Variants in SLC22A23 observed in about 807,000 individuals in gnomAD.
The protein encoded by SLC22A23 is ion transporter protein.
SLC22A23 carries 26 observed loss-of-function variants against 61.0 expected under a neutral mutation model. The observed-to-expected ratio is 0.43, with a 90% CI of 0.31 to 0.59. The LOEUF is 0.59. Ranked by LOEUF, SLC22A23 falls within the 20% of genes least tolerant of loss-of-function variation. SLC22A23 has a pLI of 0.11. For synonymous variants in SLC22A23, 430 were observed against 413.9 expected (o/e 1.04, Z -0.47); for missense variants, 796 against 934.7 (o/e 0.85, Z 1.94).
chr6:3,352,298 G>C (rs1257308581), intron 3 of SLC22A23, among the ~76,000 whole-genome samples: 1 of 150,534 alleles, frequency 6.6e-6, no homozygotes. Context: ...CACAGCCATA[G>C]ACACTTACAA....
intron 3 of SLC22A23, among the ~76,000 whole-genome samples, chr6:3,366,540 C>A (rs143517309): frequency 2.0e-5 from 3 of 152,094 alleles, no homozygotes; most frequent in African/African-American, 7.2e-5. Context: ...CCTGACTCAA[C>A]AAATCACTTC....
Position 3,299,998 on chromosome 6 carries a change from C to CTTTTTTTTTTTTTTT in SLC22A23, c.1083-1795_1083-1781dup, listed in dbSNP as rs869114176. Reference sequence around the variant, plus strand: ...ACCTGCTTTGCAAGCTCAGGATAGACTTTTTTTTTTTTTTTTTTTTTTTTT... The same window carrying CTTTTTTTTTTTTTTT: ...ACCTGCTTTGCAAGCTCAGGATAGACTTTTTTTTTTTTTTTTTTTTTTTTTTTTTTTTTTTTTTTT... On this transcript the variant is annotated intron_variant, in intron 4 of 9. Transcript: ENST00000406686. Among the ~76,000 whole-genome samples, 19 of 78,798 alleles carry CTTTTTTTTTTTTTTT rather than the reference C, an allele frequency of 2.4e-4. 5 individuals carry two copies. In the East Asian group the frequency reaches 4.0e-3, roughly 16 times the overall value. The allele number at this position is 78,798 out of a possible 152,430, so 51.7% of individuals were successfully genotyped here.
chr6:3,288,987 C>T (rs1001524445), intron 6 of SLC22A23, among the ~76,000 whole-genome samples: 1 of 152,264 alleles, frequency 6.6e-6, no homozygotes, highest in Non-Finnish European at 1.5e-5. Flanking sequence ...TCGCCCTCAC[C>T]CTGGGCCTGT....
At position 3,437,416 on chromosome 6, in the gene SLC22A23, G is replaced by A. The variant is rs570406623; in HGVS notation, c.654+18490C>T. On this transcript the variant is annotated intron_variant, in intron 1 of 9. Coordinates refer to ENST00000406686, the MANE Select transcript of SLC22A23 (RefSeq NM_015482.2). ...TAATAGGCCAGGCGCGGTGGCTCACGCCTGTAATCCCAGCACTTTGGGAGG... is the reference window on the plus strand; with the variant it reads ...TAATAGGCCAGGCGCGGTGGCTCACACCTGTAATCCCAGCACTTTGGGAGG... Among the ~76,000 whole-genome samples, 52 of 152,098 alleles carry A rather than the reference G, an allele frequency of 3.4e-4. No homozygotes were observed. In the East Asian group the frequency reaches 7.6e-3, roughly 22 times the overall value.
chr6:3,433,477 A>G (rs944695901), intron 1 of SLC22A23, among the ~76,000 whole-genome samples: 1 of 135,054 alleles, frequency 7.4e-6, no homozygotes, highest in Non-Finnish European at 1.7e-5. Context: ...TGAAAAGAAA[A>G]AGAGGAAACT....
intron 1 of SLC22A23, among the ~76,000 whole-genome samples, chr6:3,440,323 T>C (rs1326528117): frequency 6.6e-6 from 1 of 152,110 alleles, no homozygotes; most frequent in African/African-American, 2.4e-5. Flanking sequence ...TGTGACTGTG[T>C]TTCAAGAGTG....
chr6:3,338,517 G>A (rs1266372855), intron 3 of SLC22A23, among the ~76,000 whole-genome samples: 1 of 152,208 alleles, frequency 6.6e-6, no homozygotes. Context: ...AGGAGACAGG[G>A]TTTCACCATG....
intron 6 of SLC22A23, 31 bp downstream of exon 6, chr6:3,289,733 A>C: frequency 3.2e-5 from 49 of 1,548,290 alleles, no homozygotes; most frequent in Non-Finnish European, 4.1e-5. Flanking sequence ...GCCCCCTCCC[A>C]CCCAGCTGGC....
intron 3 of SLC22A23, among the ~76,000 whole-genome samples, chr6:3,370,739 T>C (rs1315166321): frequency 6.6e-6 from 1 of 152,266 alleles, no homozygotes; most frequent in Non-Finnish European, 1.5e-5. Context: ...AATTGTGGTT[T>C]GGCTTCAATA....
At chr6:3,400,594 T>G (rs1002277599) in intron 3 of SLC22A23, among the ~76,000 whole-genome samples, 9 of 152,228 alleles carry the variant, frequency 5.9e-5, no homozygotes, top group African/African-American at 2.2e-4. Flanking sequence ...CTTTCCTAGG[T>G]GAGGAAACTG....
In SLC22A23 at chr6:3,297,463, C is replaced by T. The variant is rs546958581; in HGVS notation, c.1210+628G>A. 2.6e-5 allele frequency among the ~76,000 whole-genome samples: 4 copies of T among 152,288 alleles called. No individual in the cohort carries two copies. Among genetic ancestry groups the T allele is most frequent in the African/African-American group, 2.4e-5 (1 of 41,546 alleles). On this transcript the variant is annotated intron_variant, in intron 5 of 9. Coordinates refer to ENST00000406686, the MANE Select transcript of SLC22A23 (RefSeq NM_015482.2). The surrounding 1 kb of genome is among the most constrained non-coding windows in gnomAD (Gnocchi z 4.3). ...AGAAATGCAAGTTCTCAGGGCTTAT[C>T]CCAAATCTAACAGGTCAGGATCTCC... is the stretch of plus-strand genomic sequence containing the variant.
intron 5 of SLC22A23, among the ~76,000 whole-genome samples, chr6:3,296,897 C>T (rs1312361647): frequency 6.6e-6 from 1 of 152,238 alleles, no homozygotes; most frequent in Non-Finnish European, 1.5e-5. Flanking sequence ...CCAAGGGCTT[C>T]TCTGATTTGG....
chr6:3,289,921 C>G (rs1270804172), intron 5 of SLC22A23, 55 bp from the exon 6 acceptor site: 1 of 1,420,814 alleles, frequency 7.0e-7, no homozygotes, highest in Non-Finnish European at 9.9e-7. Context: ...GAGGACAGGA[C>G]AGCAGCTGCA....
Position 3,319,530 on chromosome 6 carries a change from G to A in SLC22A23, c.1082+4304C>T, listed in dbSNP as rs559643949. 3.3e-5 allele frequency among the ~76,000 whole-genome samples: 5 copies of A among 152,288 alleles called. No individual in the cohort carries two copies. The East Asian group carries it at 9.7e-4, about 29-fold the overall frequency. ...ACAATGTGCTTTCAGGAGATCGGGA[G>A]CTTGCTCTGGAGATGTATCTAGAAT... On this transcript the variant is annotated intron_variant, in intron 4 of 9. Transcript: ENST00000406686.
chr6:3,417,248 G>A (rs1459407615), intron 1 of SLC22A23, among the ~76,000 whole-genome samples: 2 of 152,106 alleles, frequency 1.3e-5, no homozygotes, highest in African/African-American at 2.4e-5. Context: ...ACACTGGCTC[G>A]CCGATGCCCC....
In SLC22A23 at chr6:3,375,439, C is replaced by T. The variant is rs968301542; in HGVS notation, c.913+34749G>A. ...TTTCAATATATTCAGCACAGTTATG[C>T]GTCCAACTAAACCATTCGCTGACTA... On this transcript the variant is annotated intron_variant, in intron 3 of 9. Transcript: ENST00000406686. 5.3e-5 allele frequency among the ~76,000 whole-genome samples: 8 copies of T among 152,200 alleles called. 1 individual carries two copies. The highest frequency in any genetic ancestry group is 4.1e-4 in the South Asian group (2 of 4,834).
At chr6:3,326,563 C>T (rs1763294443) in intron 3 of SLC22A23, among the ~76,000 whole-genome samples, 2 of 152,162 alleles carry the variant, frequency 1.3e-5, no homozygotes, top group Non-Finnish European at 2.9e-5. Flanking sequence ...CTGACCTCTC[C>T]ACTCCTTCTG....
intron 1 of SLC22A23, among the ~76,000 whole-genome samples, chr6:3,448,062 C>T (rs1414131566): frequency 1.3e-5 from 2 of 151,736 alleles, no homozygotes; most frequent in African/African-American, 4.8e-5. Flanking sequence ...ACCACCATGC[C>T]CAGCTAATTT....
At chr6:3,284,071 T>A in intron 8 of SLC22A23, 96 bp from the exon 9 acceptor site, 1 of 1,309,756 alleles carries the variant, frequency 7.6e-7, no homozygotes, top group Non-Finnish European at 1.0e-6. Flanking sequence ...TCCTTCCCAG[T>A]GTCCAGCTTG....
Sources: gnomAD v4.1 joint callset for allele counts (sites outside exome capture counted in the v4.1 genomes callset) on GRCh38, gnomAD v4.1.1 for gene constraint, Gnocchi (gnomAD v3.1) non-coding constraint, MANE v1.5 for transcripts, NCBI Gene and HGNC (gene_info 2026-07-23, HGNC 2026-07-21) for gene names.